ZNF45: variants seen among roughly 807,000 people sequenced by gnomAD.
The protein encoded by ZNF45 is BRC1744.
Under a neutral mutation model 12.0 loss-of-function variants are expected in ZNF45, and 4 were observed. The ratio of observed to expected loss-of-function variants is 0.33; its 90% CI spans 0.16 to 0.76. The LOEUF is 0.76. Among genes scored for constraint, ZNF45 ranks in the 30% least tolerant of loss-of-function variants. The pLI is 0.60. For missense variants in ZNF45, 700 were observed against 813.0 expected (o/e 0.86, Z 1.69); for synonymous variants, 272 against 279.6 (o/e 0.97, Z 0.27).
rs1197580102 is a variant in ZNF45 at position 43,914,784 on chromosome 19, T to C, written c.652A>G (p.Lys218Glu). 1 of 1,614,130 alleles carries C rather than the reference T, an allele frequency of 6.2e-7. No homozygotes were observed. The highest frequency in any genetic ancestry group is 1.7e-5 in the Admixed American group (1 of 60,028). ...TAACTTGCATCATTTGTGTATGATT[T>C]TGCTCTACTGTGGACTCTCTGATGG... is the stretch of plus-strand genomic sequence containing the variant. Reference protein sequence around the residue: ...QAHQRVHSRAKSYTNDASYRS... With the variant: ...QAHQRVHSRAESYTNDASYRS... Residue 218 changes from lysine (K) to glutamate (E), a missense_variant, in exon 10 of 10, where the codon AAA becomes GAA. Coordinates refer to ENST00000269973, the MANE Select transcript of ZNF45 (RefSeq NM_003425.4).
In ZNF45 at chr19:43,913,581, T is replaced by C; in HGVS notation, c.1855A>G (p.Lys619Glu). Residue 619 changes from lysine (K) to glutamate (E), a missense_variant, in exon 10 of 10, where the codon AAA becomes GAA. Transcript: ENST00000269973. ...ERPYKCEECG[K>E]VFSWSSYLQA... ...AGGTATGAGCTCCAGCTGAAGACTT[T>C]CCCACATTCCTCACATTTGTATGGT... 1 of 1,614,004 alleles carries C rather than the reference T, an allele frequency of 6.2e-7. No individual in the cohort carries two copies. The highest frequency in any genetic ancestry group is 1.6e-4 in the Middle Eastern group (1 of 6,062).
intron 3 of ZNF45, chr19:43,926,412 G>A (rs145750931): frequency 2.6e-5 from 4 of 152,334 alleles, no homozygotes; most frequent in Admixed American, 6.5e-5. Context: ...GCGACGACAT[G>A]AGTCACTGTT....
chr19:43,933,867 C>G (rs1189657271), intron 2 of ZNF45, among the ~76,000 whole-genome samples: 1 of 152,180 alleles, frequency 6.6e-6, no homozygotes, highest in Non-Finnish European at 1.5e-5. Context: ...ATATGAACTA[C>G]TAATATTGCT....
rs778682349 is a variant in ZNF45, at chr19:43,914,721, G to A, written c.715C>T (p.Gln239Ter). ...GGATTCTCTCCAGTGGGAACTCTCT[G>A]ATGATGGGGAAGATGTGACCTCTGA... is the stretch of plus-strand genomic sequence containing the variant. ...FSQRSHLPHHQRVPTGENPYK... is the reference protein window; with the variant it reads ...FSQRSHLPHH Residue 239 changes from glutamine (Q) to a stop codon, truncating the protein, a stop_gained, in exon 10 of 10, where the codon CAG becomes TAG. Coordinates refer to ENST00000269973, the MANE Select transcript of ZNF45 (RefSeq NM_003425.4). LOFTEE classifies it low-confidence loss of function (END_TRUNC). The A allele has an allele frequency of 6.2e-7, 1 of 1,614,058 alleles. No individual in the cohort carries two copies.
intron 7 of ZNF45, among the ~76,000 whole-genome samples, chr19:43,920,536 G>C (rs8107103): frequency 4.0e-4 from 4 of 10,040 alleles, no homozygotes; most frequent in Non-Finnish European, 2.7e-3. Flanking sequence ...GTTGCCGGGT[G>C]GGGGGGGGGG....
rs1442606133 is a variant in ZNF45, at chr19:43,920,541, G to GC, written c.16-843_16-842insG. ...GTTTCCAGATGTTGCCGGGTGGGGG[G>GC]GGGGGGCAGTGGGCGGTAAAGTCAC... is the stretch of plus-strand genomic sequence containing the variant. On this transcript the variant is annotated intron_variant, in intron 7 of 9. Transcript: ENST00000269973. 1.2e-4 allele frequency among the ~76,000 whole-genome samples: 16 copies of GC among 134,870 alleles called. 1 individual carries two copies. Among genetic ancestry groups the GC allele is most frequent in the African/African-American group, 4.1e-4 (16 of 38,628 alleles). The allele number at this position is 134,870 out of a possible 152,430, so 88.5% of individuals were successfully genotyped here. A position where few individuals can be genotyped will look rare whatever the true frequency, so the allele number is the denominator to read the frequency against.
At chr19:43,923,824 A>G (rs987853002) in intron 6 of ZNF45, among the ~76,000 whole-genome samples, 1 of 152,116 alleles carries the variant, frequency 6.6e-6, no homozygotes, top group African/African-American at 2.4e-5. Context: ...GGTTTCTAAA[A>G]GGTATAAGAC....
chr19:43,922,281 A>C, intron 6 of ZNF45, 64 bp from the exon 7 acceptor site: 1 of 1,185,002 alleles, frequency 8.4e-7, no homozygotes, highest in Non-Finnish European at 1.2e-6. Flanking sequence ...GGCCAAAAAA[A>C]AAACCATAGC....
chr19:43,921,920 CAGT>C (rs970217020), intron 7 of ZNF45, among the ~76,000 whole-genome samples: 34 of 152,238 alleles, frequency 2.2e-4, no homozygotes, highest in Admixed American at 1.8e-3. Flanking sequence ...GTAAGGGAAA[CAGT>C]AGGAAAATGA....
chr19:43,922,251 GAA>G, intron 6 of ZNF45, 34 bp from the exon 7 acceptor site: 4 of 1,470,062 alleles, frequency 2.7e-6, no homozygotes, highest in Non-Finnish European at 3.7e-6. Flanking sequence ...GAGGGAAGGA[GAA>G]AAAAGCCATG....
rs753977457 is a variant in ZNF45, at chr19:43,914,664, C to A, written c.772G>T (p.Gly258Trp). The change falls in exon 10 of 10, where the codon GGG (glycine) becomes TGG (tryptophan). Residue 258 changes from glycine (G) to tryptophan (W), a missense_variant. Coordinates refer to ENST00000269973, the MANE Select transcript of ZNF45 (RefSeq NM_003425.4). ...YKYEECGRNVGKSSHCQAPLI... is the reference protein window; with the variant it reads ...YKYEECGRNVWKSSHCQAPLI... ...GGAGCTTGACAATGTGAGCTTTTCC[C>A]AACATTCCTCCCACACTCTTCATAT... is the stretch of plus-strand genomic sequence containing the variant. 2 of 1,613,640 alleles carry A rather than the reference C, an allele frequency of 1.2e-6. No homozygotes were observed. Among genetic ancestry groups the A allele is most frequent in the Middle Eastern group, 1.7e-4 (1 of 6,060 alleles).
chr19:43,925,784 C>G (rs1338952836), intron 3 of ZNF45, among the ~76,000 whole-genome samples: 1 of 152,090 alleles, frequency 6.6e-6, no homozygotes, highest in Non-Finnish European at 1.5e-5. Context: ...CCATTCCTGG[C>G]TAATTTTTTT....
intron 3 of ZNF45, among the ~76,000 whole-genome samples, chr19:43,927,664 AAC>A (rs1364739947): frequency 6.6e-6 from 1 of 152,206 alleles, no homozygotes; most frequent in Non-Finnish European, 1.5e-5. Context: ...CTTATATTTG[AAC>A]AGAGACCTCA....
At chr19:43,928,770 C>G (rs1973892976) in intron 3 of ZNF45, among the ~76,000 whole-genome samples, 1 of 152,206 alleles carries the variant, frequency 6.6e-6, no homozygotes, top group Non-Finnish European at 1.5e-5. Context: ...CTGATACTAA[C>G]AAACAGGAAT....
chr19:43,913,359 G>A lies in ZNF45; in HGVS notation c.*28C>T, dbSNP rs1333351998. On this transcript the variant is annotated 3_prime_UTR_variant, in exon 10 of 10. Transcript: ENST00000269973. ...TAGCTCTGATTATTAAAATATTTCA[G>A]CACCCATCTGAGATAGTAAAACATA... 3.3e-6 allele frequency: 5 copies of A among 1,519,772 alleles called. No individual in the cohort carries two copies. The highest frequency in any genetic ancestry group is 4.4e-6 in the Non-Finnish European group (5 of 1,135,986). The allele number at this position is 1,519,772 out of a possible 1,614,324, so 94.1% of individuals were successfully genotyped here. A position where few individuals can be genotyped will look rare whatever the true frequency, so the allele number is the denominator to read the frequency against.
At chr19:43,928,333 C>G (rs111601610) in intron 3 of ZNF45, among the ~76,000 whole-genome samples, 15 of 152,004 alleles carry the variant, frequency 9.9e-5, no homozygotes, top group African/African-American at 3.4e-4. Flanking sequence ...CATGGACACA[C>G]AGAGGGGAAC....
At chr19:43,917,877 A>G (rs1181532187) in intron 9 of ZNF45, among the ~76,000 whole-genome samples, 1 of 152,200 alleles carries the variant, frequency 6.6e-6, no homozygotes, top group Non-Finnish European at 1.5e-5. Flanking sequence ...CCCAGGTTAT[A>G]ATGTTTCTAA....
Position 43,914,950 on chromosome 19 carries a change from T to A in ZNF45, c.486A>T (p.Lys162Asn), listed in dbSNP as rs201455492. The change falls in exon 10 of 10, where the codon AAA becomes AAT. Residue 162 changes from lysine (K) to asparagine (N), a missense_variant. Physicochemically the swap from Lys to Asn is moderately conservative, Grantham distance 94. Coordinates refer to ENST00000269973, the MANE Select transcript of ZNF45 (RefSeq NM_003425.4). ...TCACACAATGTTCTCCTTTGTAGGGTTTTTCACCAGTGTGGACTCTGTGAA... is the reference window on the plus strand; with the variant it reads ...TCACACAATGTTCTCCTTTGTAGGGATTTTCACCAGTGTGGACTCTGTGAA... ...LQVHRVHTGE[K>N]PYKGEHCVKS... The A allele has an allele frequency of 6.2e-7, 1 of 1,610,462 alleles. No individual in the cohort carries two copies. Among genetic ancestry groups the A allele is most frequent in the African/African-American group, 1.3e-5 (1 of 74,918 alleles).
At chr19:43,917,869 C>T (rs1599767887) in intron 9 of ZNF45, among the ~76,000 whole-genome samples, 1 of 152,216 alleles carries the variant, frequency 6.6e-6, no homozygotes, top group East Asian at 1.9e-4. Flanking sequence ...CTATTTTGCC[C>T]AGGTTATAAT....
Sources: allele counts gnomAD v4.1 joint callset (sites outside exome capture counted in the v4.1 genomes callset), GRCh38; gene constraint gnomAD v4.1.1; transcripts MANE v1.5; gene names NCBI Gene and HGNC (gene_info 2026-07-23, HGNC 2026-07-21).